The following IHO1 variants were observed in gnomAD, a reference collection of about 807,000 sequenced individuals.
The protein encoded by IHO1 is interactor of HORMAD1 1, also known as interactor of HORMAD1 protein 1.
A neutral mutation model predicts 31.0 loss-of-function variants in IHO1; 13 were observed. That is an observed-to-expected ratio of 0.42 (90% CI 0.27 to 0.67). The LOEUF is 0.67. IHO1 is among the 30% of genes least tolerant of loss of function. The pLI is 0.24. For missense variants in IHO1, 599 were observed against 687.5 expected (o/e 0.87, Z 1.44); for synonymous variants, 221 against 248.4 (o/e 0.89, Z 1.04).
intron 2 of IHO1, among the ~76,000 whole-genome samples, chr3:49,215,651 C>G (rs1189687445): frequency 6.6e-6 from 1 of 152,106 alleles, no homozygotes; most frequent in Non-Finnish European, 1.5e-5. Context: ...GGTGCTACAG[C>G]CAAGGAGATG....
At chr3:49,230,236 T>A (rs1011400348) in intron 2 of IHO1, among the ~76,000 whole-genome samples, 1 of 152,196 alleles carries the variant, frequency 6.6e-6, no homozygotes, top group Admixed American at 6.5e-5. Context: ...CTCCAGTCTT[T>A]GTTATTAAGA....
At chr3:49,201,999 C>A (rs578262003) in intron 1 of IHO1, among the ~76,000 whole-genome samples, 37 of 152,246 alleles carry the variant, frequency 2.4e-4, no homozygotes, top group Middle Eastern at 3.4e-3. Flanking sequence ...AATTTAGTTC[C>A]TAAGTTTTTA....
chr3:49,195,122 A>T (rs1355781158), upstream of IHO1, among the ~76,000 whole-genome samples: 1 of 151,944 alleles, frequency 6.6e-6, no homozygotes, highest in Non-Finnish European at 1.5e-5. Context: ...TGTAATAATT[A>T]AAAATAAAAA....
At chr3:49,216,478 C>T (rs2046287968) in intron 2 of IHO1, among the ~76,000 whole-genome samples, 1 of 152,074 alleles carries the variant, frequency 6.6e-6, no homozygotes, top group Non-Finnish European at 1.5e-5. Flanking sequence ...CCTGTAATCC[C>T]AGCTACCCGG....
rs2046818232 is a variant in IHO1 at position 49,256,110 on chromosome 3, C to T, written c.637-24C>T. The T allele has an allele frequency of 6.3e-7, 1 of 1,577,044 alleles. No individual in the cohort carries two copies. The highest frequency in any genetic ancestry group is 8.6e-7 in the Non-Finnish European group (1 of 1,160,936). ...TCTGACTTGCACTGTCCATCACTGT[C>T]TTTCTCACTGCCTCTCTCCCCAGAG... is the stretch of plus-strand genomic sequence containing the variant. On this transcript the variant is annotated intron_variant, in intron 7 of 7. Coordinates refer to ENST00000452691, the MANE Select transcript of IHO1 (RefSeq NM_001135197.2). The surrounding 1 kb of genome is among the most constrained non-coding windows in gnomAD (Gnocchi z 4.6).
At chr3:49,248,585 T>C (rs756373676) in intron 6 of IHO1, among the ~76,000 whole-genome samples, 2 of 151,588 alleles carry the variant, frequency 1.3e-5, no homozygotes, top group African/African-American at 2.4e-5. Flanking sequence ...AATACAAAAT[T>C]AGCCAGGCGT....
intron 2 of IHO1, among the ~76,000 whole-genome samples, chr3:49,213,225 C>G (rs941471305): frequency 6.6e-6 from 1 of 152,036 alleles, no homozygotes; most frequent in African/African-American, 2.4e-5. Flanking sequence ...ATTAGCTAGA[C>G]ACAGAGCACT....
At chr3:49,233,284 C>T (rs1210976988) in intron 2 of IHO1, among the ~76,000 whole-genome samples, 1 of 152,190 alleles carries the variant, frequency 6.6e-6, no homozygotes, top group African/African-American at 2.4e-5. Context: ...ATGTTATGGC[C>T]TGCTGTAGGA....
chr3:49,191,638 G>T, the IHO1 span: 1 of 1,290,494 alleles, frequency 7.7e-7, no homozygotes, highest in Non-Finnish European at 1.1e-6. Flanking sequence ...TCCTATTCCA[G>T]GTTGGATGCC....
rs371818012 is a variant in IHO1, at chr3:49,257,192, C to T, written c.1695C>T (p.Leu565=). Residue 565 remains leucine, a synonymous_variant, in exon 8 of 8, where the codon CTC becomes CTT. Coordinates refer to ENST00000452691, the MANE Select transcript of IHO1 (RefSeq NM_001135197.2). The part of the protein sequence containing the change: ...HQMSWFSDLN[L]GCSETPLCKE... ...TGAGCTGGTTCAGTGACCTCAATCTCGGATGTTCAGAGACCCCTCTATGCA... is the reference window on the plus strand; with the variant it reads ...TGAGCTGGTTCAGTGACCTCAATCTTGGATGTTCAGAGACCCCTCTATGCA... 62 of 1,614,052 alleles carry T rather than the reference C, an allele frequency of 3.8e-5. No homozygotes were observed. The highest frequency in any genetic ancestry group is 1.6e-4 in the Middle Eastern group (1 of 6,084).
intron 2 of IHO1, among the ~76,000 whole-genome samples, chr3:49,224,913 T>C (rs1030324174): frequency 2.6e-5 from 4 of 152,232 alleles, no homozygotes; most frequent in Non-Finnish European, 5.9e-5. Flanking sequence ...AAGTAGGCAG[T>C]TGTCTGATAG....
At chr3:49,254,059 C>A (rs1315488280) in intron 6 of IHO1, among the ~76,000 whole-genome samples, 1 of 152,068 alleles carries the variant, frequency 6.6e-6, no homozygotes, top group East Asian at 1.9e-4. Context: ...GTTTCGAACT[C>A]CTGACCTCAG....
At chr3:49,248,495 G>A (rs1259071473) in intron 6 of IHO1, among the ~76,000 whole-genome samples, 4 of 151,894 alleles carry the variant, frequency 2.6e-5, no homozygotes, top group Non-Finnish European at 2.9e-5. Context: ...TTGGGAGGCC[G>A]AGGTGGGTGG....
Position 49,254,189 on chromosome 3 carries a change from C to A in IHO1, c.533-1201C>A, listed in dbSNP as rs1449310077. Among the ~76,000 whole-genome samples, 3 of 152,200 alleles carry A rather than the reference C, an allele frequency of 2.0e-5. No individual in the cohort carries two copies. In the East Asian group the frequency reaches 5.8e-4, roughly 29 times the overall value. ...CATAGTGCCTGGCACATAGTATATGCTCATTAAACATTCGTTGAATAAATA... is the reference window on the plus strand; with the variant it reads ...CATAGTGCCTGGCACATAGTATATGATCATTAAACATTCGTTGAATAAATA... On this transcript the variant is annotated intron_variant, in intron 6 of 7. Coordinates refer to ENST00000452691, the MANE Select transcript of IHO1 (RefSeq NM_001135197.2).
intron 2 of IHO1, among the ~76,000 whole-genome samples, chr3:49,230,762 A>G (rs1269356614): frequency 6.6e-6 from 1 of 152,214 alleles, no homozygotes; most frequent in East Asian, 1.9e-4. Flanking sequence ...TGTGCCACAG[A>G]AAGTAACCAT....
chr3:49,234,547 C>T (rs948880065), intron 2 of IHO1, among the ~76,000 whole-genome samples: 7 of 152,014 alleles, frequency 4.6e-5, no homozygotes, highest in Non-Finnish European at 7.4e-5. Context: ...CTTCATCTAA[C>T]CCTCATTACC....
chr3:49,222,114 C>A (rs975437096), intron 2 of IHO1, among the ~76,000 whole-genome samples: 6 of 152,146 alleles, frequency 3.9e-5, no homozygotes, highest in Admixed American at 2.0e-4. Flanking sequence ...TGCAAACTGT[C>A]TGAGAAATCC....
At position 49,227,438 on chromosome 3, in the gene IHO1, A is replaced by G. The variant is rs149971567; in HGVS notation, c.57-9110A>G. 2.8e-3 allele frequency among the ~76,000 whole-genome samples: 432 copies of G among 152,178 alleles called. 3 individuals carry two copies. Among genetic ancestry groups the G allele is most frequent in the African/African-American group, 9.3e-3 (388 of 41,534 alleles). ...TCTACCCCCAGTCCAAGAACCCCCA[A>G]TGGTCCCTGGACCCTGCTGATTGGA... On this transcript the variant is annotated intron_variant, in intron 2 of 7. Transcript: ENST00000452691.
Position 49,256,497 on chromosome 3 carries a change from G to T in IHO1, c.1000G>T (p.Ala334Ser), listed in dbSNP as rs757583997. 6.2e-7 allele frequency: 1 copy of T among 1,614,178 alleles called. No homozygotes were observed. The highest frequency in any genetic ancestry group is 2.2e-5 in the East Asian group (1 of 44,888). ...AAAGAATGATGATCTCCAAGAAGAG[G>T]CTGCACTGCCAGCATTTGGGTCCCA... The part of the protein sequence containing the change: ...GAKNDDLQEE[A>S]ALPAFGSHER... Residue 334 changes from alanine (A) to serine (S), a missense_variant, in exon 8 of 8, where the codon GCT becomes TCT. Transcript: ENST00000452691. This position sits in a 1 kb window ranked among gnomAD's most constrained non-coding sequence, Gnocchi z 4.6.
Sources: gnomAD v4.1 joint callset for allele counts (sites outside exome capture counted in the v4.1 genomes callset) on GRCh38, gnomAD v4.1.1 for gene constraint, Gnocchi (gnomAD v3.1) non-coding constraint, MANE v1.5 for transcripts, NCBI Gene and HGNC (gene_info 2026-07-23, HGNC 2026-07-21) for gene names.